Variants in SRRM4 observed in about 807,000 individuals in gnomAD.
The protein encoded by SRRM4 is serine/arginine repetitive matrix protein 4.
In SRRM4, 33 loss-of-function variants were observed where a neutral mutation model predicts 68.9. That is an observed-to-expected ratio of 0.48 (90% CI 0.36 to 0.64). The LOEUF (loss-of-function observed/expected upper bound fraction) is 0.64. Ranked by LOEUF, SRRM4 falls within the 30% of genes least tolerant of loss-of-function variation. The pLI, the probability that SRRM4 is intolerant of heterozygous loss-of-function variation, is 0.00. For missense variants in SRRM4, 817 were observed against 827.1 expected, an observed-to-expected ratio of 0.99 and a Z score of 0.15; for synonymous variants, 318 against 318.8, an observed-to-expected ratio of 1.00 and a Z score of 0.03.
chr12:118,995,097 G>T (rs116012506), intron 1 of SRRM4, among the ~76,000 whole-genome samples: 3 of 152,072 alleles, frequency 2.0e-5, no homozygotes, highest in African/African-American at 4.8e-5. Flanking sequence ...TCTGTCAAAA[G>T]GTTTAATAAT....
In SRRM4 at chr12:119,156,507, C is replaced by A; in HGVS notation, c.1545C>A (p.Arg515=). The A allele has an allele frequency of 6.2e-7, 1 of 1,607,006 alleles. No homozygotes were observed. Among genetic ancestry groups the A allele is most frequent in the Non-Finnish European group, 8.5e-7 (1 of 1,176,930 alleles). ...CTGGTCTCTGCAGTGCCCGGAAACGCCCCATCCCCTACTATCGGCCCAGCC... is the reference window on the plus strand; with the variant it reads ...CTGGTCTCTGCAGTGCCCGGAAACGACCCATCCCCTACTATCGGCCCAGCC... ...EARRITSARK[R]PIPYYRPSPS... is the part of the protein sequence containing the mutation. The change falls in exon 13 of 13, where the codon CGC becomes CGA. Residue 515 remains arginine (R), a synonymous_variant. Coordinates refer to ENST00000267260, the MANE Select transcript of SRRM4 (RefSeq NM_194286.4).
Position 119,154,137 on chromosome 12 carries a change from C to A in SRRM4, c.1392-106C>A. ...TTGCGGCAACGTGCAGACCCCATCC[C>A]GTGACCCAGTGGGGTGGGAAAGAAA... On this transcript the variant is annotated intron_variant, in intron 11 of 12. Coordinates refer to ENST00000267260, the MANE Select transcript of SRRM4 (RefSeq NM_194286.4). The surrounding 1 kb of genome is among the most constrained non-coding windows in gnomAD (Gnocchi z 4.7). 9.2e-7 allele frequency: 1 copy of A among 1,082,272 alleles called. No homozygotes were observed. Among genetic ancestry groups the A allele is most frequent in the Non-Finnish European group, 1.3e-6 (1 of 741,668 alleles). The allele number at this position is 1,082,272 out of a possible 1,614,324, so 67.0% of individuals were successfully genotyped here.
chr12:119,139,658 G>A (rs1565917611), intron 8 of SRRM4, among the ~76,000 whole-genome samples: 1 of 152,106 alleles, frequency 6.6e-6, no homozygotes, highest in Non-Finnish European at 1.5e-5. Flanking sequence ...AGATATACCC[G>A]CTAGGGACAT....
intron 8 of SRRM4, among the ~76,000 whole-genome samples, chr12:119,135,806 C>T (rs573844729): frequency 1.5e-4 from 23 of 152,266 alleles, no homozygotes; most frequent in African/African-American, 5.5e-4. Flanking sequence ...GGGTTTGAAT[C>T]CAGGGAGTCT....
rs190547214 is a variant in SRRM4 at position 119,004,580 on chromosome 12, C to G, written c.131+22567C>G. On this transcript the variant is annotated intron_variant, in intron 1 of 12. Coordinates refer to ENST00000267260, the MANE Select transcript of SRRM4 (RefSeq NM_194286.4). The stretch of plus-strand genomic sequence containing the variant: ...GCAGCTCACAGATGGATTGAGAGAA[C>G]TAGCCTCCTGCTAGCAAAGGGTGGG... Among the ~76,000 whole-genome samples, 333 of 152,074 alleles carry G rather than the reference C, an allele frequency of 2.2e-3. 8 individuals are homozygous for G. Among genetic ancestry groups the G allele is most frequent in the Non-Finnish European group, 9.0e-4 (61 of 68,000 alleles).
chr12:119,145,217 C>T (rs747540443), intron 8 of SRRM4, among the ~76,000 whole-genome samples, 164 bp from the exon 9 acceptor site: 5 of 152,018 alleles, frequency 3.3e-5, no homozygotes, highest in Non-Finnish European at 7.4e-5. Context: ...TGTGGTATTC[C>T]TTCAGGAATT....
At chr12:119,081,282 C>A (rs184224315) in intron 1 of SRRM4, among the ~76,000 whole-genome samples, 1 of 152,076 alleles carries the variant, frequency 6.6e-6, no homozygotes, top group Admixed American at 6.5e-5. Context: ...GAGGGAGTAC[C>A]ATTTTAAATC....
intron 7 of SRRM4, among the ~76,000 whole-genome samples, chr12:119,129,915 G>A (rs1275911945): frequency 9.3e-5 from 14 of 150,046 alleles, no homozygotes; most frequent in African/African-American, 2.9e-4. Flanking sequence ...ATGGATGGAT[G>A]GATGGTTAGA....
At chr12:119,094,349 A>G (rs9651910) in intron 1 of SRRM4, among the ~76,000 whole-genome samples, 39,649 of 152,008 alleles carry the variant, frequency 0.26, 5,443 homozygotes, top group Middle Eastern at 0.37. Context: ...ATTGGTTAGA[A>G]ATGCAGAAAC....
At chr12:118,985,290 G>A (rs902922613) in intron 1 of SRRM4, among the ~76,000 whole-genome samples, 1 of 152,152 alleles carries the variant, frequency 6.6e-6, no homozygotes, top group African/African-American at 2.4e-5. Flanking sequence ...GGGGGTTGGG[G>A]ATAATAAATA....
chr12:119,096,727 T>G (rs1954047719), intron 1 of SRRM4, among the ~76,000 whole-genome samples: 1 of 152,248 alleles, frequency 6.6e-6, no homozygotes, highest in Non-Finnish European at 1.5e-5. Flanking sequence ...TGTTGGTCTC[T>G]GATTCCCCAA....
intron 1 of SRRM4, among the ~76,000 whole-genome samples, chr12:119,073,127 TG>T (rs1953888075): frequency 6.6e-6 from 1 of 151,966 alleles, no homozygotes; most frequent in South Asian, 2.1e-4. Flanking sequence ...AGGAAATAAT[TG>T]AGTCTGGGAA....
chr12:119,082,301 C>G (rs1953953736), intron 1 of SRRM4, among the ~76,000 whole-genome samples: 1 of 152,138 alleles, frequency 6.6e-6, no homozygotes, highest in Admixed American at 6.5e-5. Context: ...AAGCCACCCC[C>G]CATCCCCGCC....
chr12:119,034,024 T>C (rs1291887639), intron 1 of SRRM4, among the ~76,000 whole-genome samples: 1 of 152,084 alleles, frequency 6.6e-6, no homozygotes, highest in Non-Finnish European at 1.5e-5. Context: ...GTCTGGACAG[T>C]GGGGTCTGAG....
intron 1 of SRRM4, among the ~76,000 whole-genome samples, chr12:119,086,667 G>GT (rs1262820610): frequency 6.6e-6 from 1 of 152,186 alleles, no homozygotes; most frequent in Non-Finnish European, 1.5e-5. Flanking sequence ...GAGTGGGCTG[G>GT]TGCACAGCTT....
At chr12:119,048,086 A>T (rs1953718686) in intron 1 of SRRM4, among the ~76,000 whole-genome samples, 1 of 152,212 alleles carries the variant, frequency 6.6e-6, no homozygotes, top group South Asian at 2.1e-4. Flanking sequence ...ATATTCTTTT[A>T]TGTTGCCCCC....
chr12:119,088,129 C>T (rs1390040818), intron 1 of SRRM4, among the ~76,000 whole-genome samples: 4 of 152,170 alleles, frequency 2.6e-5, no homozygotes, highest in African/African-American at 9.7e-5. Flanking sequence ...TGACAGCTCT[C>T]ATCCTTAAAT....
chr12:119,073,389 A>G (rs1953890010), intron 1 of SRRM4, among the ~76,000 whole-genome samples: 1 of 148,164 alleles, frequency 6.7e-6, no homozygotes, highest in Admixed American at 6.9e-5. Flanking sequence ...GTGCAGTGGC[A>G]AGATCATGGC....
intron 1 of SRRM4, among the ~76,000 whole-genome samples, chr12:119,096,406 TG>T (rs1265129296): frequency 3.3e-5 from 5 of 152,146 alleles, no homozygotes; most frequent in African/African-American, 1.2e-4. Context: ...GGTCTCAGTT[TG>T]TTCTTCACAG....
Sources: gnomAD v4.1 joint callset for allele counts (sites outside exome capture counted in the v4.1 genomes callset) on GRCh38, gnomAD v4.1.1 for gene constraint, Gnocchi (gnomAD v3.1) non-coding constraint, MANE v1.5 for transcripts, NCBI Gene and HGNC (gene_info 2026-07-23, HGNC 2026-07-21) for gene names.